Variants in SDK1 observed in about 807,000 individuals in gnomAD.
SDK1 encodes protein sidekick-1.
SDK1 carries 157 observed loss-of-function variants against 245.5 expected under a neutral mutation model. That is an observed-to-expected ratio of 0.64 (90% CI 0.56 to 0.73). SDK1 has a LOEUF of 0.73. Ranked by LOEUF, SDK1 falls within the 30% of genes least tolerant of loss-of-function variation. SDK1 has a pLI of 0.00. For missense variants in SDK1, 3,583 were observed against 3,002.3 expected (o/e 1.19, Z -4.52); for synonymous variants, 1,647 against 1,278.5 (o/e 1.29, Z -6.15).
rs73294256 is a variant in SDK1 at position 3,379,022 on chromosome 7, A to G, written c.298+77138A>G. Among the ~76,000 whole-genome samples the G allele has an allele frequency of 9.1e-3, 1,379 of 152,186 alleles. 28 individuals are homozygous for G. Among genetic ancestry groups the G allele is most frequent in the African/African-American group, 0.031 (1,296 of 41,524 alleles). ...TCGTTAATTACTTGGCCAATTATCT[A>G]TGGCCTGCTTCTCCTGGCCTGTGCT... On this transcript the variant is annotated intron_variant, in intron 1 of 44. Transcript: ENST00000404826.
chr7:3,910,913 G>A (rs1052423728), intron 5 of SDK1, among the ~76,000 whole-genome samples: 7 of 152,188 alleles, frequency 4.6e-5, no homozygotes, highest in African/African-American at 1.4e-4. Flanking sequence ...AGCAGGGTGG[G>A]CCTCTTCCTG....
At chr7:3,477,549 C>G (rs918493999) in intron 1 of SDK1, among the ~76,000 whole-genome samples, 2 of 150,350 alleles carry the variant, frequency 1.3e-5, no homozygotes, top group Non-Finnish European at 3.0e-5. Context: ...GGGTCTCACT[C>G]TGTCCACCAG....
In SDK1 at chr7:4,077,085, A is replaced by G. The variant is rs1780732219; in HGVS notation, c.3098A>G (p.Gln1033Arg). Residue 1033 changes from glutamine (Q) to arginine (R), a missense_variant, in exon 21 of 45, where the codon CAA (glutamine) becomes CGA (arginine). Coordinates refer to ENST00000404826, the MANE Select transcript of SDK1 (RefSeq NM_152744.4). Reference sequence around the variant, plus strand: ...AGCACGACGCACGAGTACAAGATCCAAGGCCTCTCATCTCTCACCACCTAC... The same window carrying G: ...AGCACGACGCACGAGTACAAGATCCGAGGCCTCTCATCTCTCACCACCTAC... ...LNSTTHEYKI[Q>R]GLSSLTTYTI... 6 of 1,614,014 alleles carry G rather than the reference A, an allele frequency of 3.7e-6. No individual in the cohort carries two copies. The highest frequency in any genetic ancestry group is 5.1e-6 in the Non-Finnish European group (6 of 1,179,988).
chr7:3,663,109 T>C (rs1313612079), intron 4 of SDK1, among the ~76,000 whole-genome samples: 1 of 152,216 alleles, frequency 6.6e-6, no homozygotes, highest in Non-Finnish European at 1.5e-5. Context: ...TTATTTTGTT[T>C]CCATATTTGA....
chr7:3,776,684 A>G (rs1234806385), intron 4 of SDK1, among the ~76,000 whole-genome samples: 1 of 152,180 alleles, frequency 6.6e-6, no homozygotes, highest in Non-Finnish European at 1.5e-5. Flanking sequence ...ACCACTAGGA[A>G]AAAGAAAAGA....
intron 22 of SDK1, among the ~76,000 whole-genome samples, chr7:4,103,064 G>T (rs1021193627): frequency 6.7e-6 from 1 of 149,856 alleles, no homozygotes; most frequent in Non-Finnish European, 1.5e-5. Context: ...GTAGTGGTGC[G>T]ATCTCGGCTC....
chr7:4,229,606 G>A (rs142906557), intron 40 of SDK1, among the ~76,000 whole-genome samples: 13 of 152,172 alleles, frequency 8.5e-5, no homozygotes, highest in Admixed American at 4.6e-4. Flanking sequence ...GAGCAGGAAA[G>A]CATTACAGAA....
intron 17 of SDK1, among the ~76,000 whole-genome samples, chr7:4,031,397 A>C (rs191554993): frequency 2.6e-5 from 4 of 152,328 alleles, no homozygotes; most frequent in African/African-American, 9.6e-5. Context: ...TTTACTAGCC[A>C]ATGGTAATGT....
chr7:3,796,866 A>G lies in SDK1; in HGVS notation c.714-24584A>G, dbSNP rs555537106. On this transcript the variant is annotated intron_variant, in intron 4 of 44. Coordinates refer to ENST00000404826, the MANE Select transcript of SDK1 (RefSeq NM_152744.4). ...AGTTATCAATGTTATATAGTCAAGT[A>G]TATTACATAAATTTTACATTTAGAA... 7.5e-4 allele frequency among the ~76,000 whole-genome samples: 114 copies of G among 152,294 alleles called. 1 individual carries two copies. Among genetic ancestry groups the G allele is most frequent in the African/African-American group, 2.5e-3 (102 of 41,540 alleles).
chr7:3,636,407 C>A (rs1782458612), intron 2 of SDK1, among the ~76,000 whole-genome samples: 1 of 152,154 alleles, frequency 6.6e-6, no homozygotes, highest in Non-Finnish European at 1.5e-5. Flanking sequence ...ATTTCACACT[C>A]TGCTTCTATG....
intron 1 of SDK1, among the ~76,000 whole-genome samples, chr7:3,538,704 TAG>T (rs1778967384): frequency 1.3e-5 from 2 of 152,184 alleles, no homozygotes; most frequent in Non-Finnish European, 2.9e-5. Context: ...GTGCCAGGCT[TAG>T]GGCACAGGAG....
chr7:3,642,691 A>T (rs949648813), intron 4 of SDK1: 5 of 152,242 alleles, frequency 3.3e-5, no homozygotes, highest in Admixed American at 1.3e-4. Context: ...CTTATCTCAC[A>T]TTCAAGATAT....
intron 4 of SDK1, among the ~76,000 whole-genome samples, chr7:3,804,193 A>T (rs1249969029): frequency 6.6e-6 from 1 of 152,162 alleles, no homozygotes; most frequent in Non-Finnish European, 1.5e-5. Flanking sequence ...AATTTCTCTG[A>T]TATCTTCTCC....
At chr7:3,994,500 G>C (rs1430607248) in intron 14 of SDK1, among the ~76,000 whole-genome samples, 1 of 152,110 alleles carries the variant, frequency 6.6e-6, no homozygotes, top group Non-Finnish European at 1.5e-5. Flanking sequence ...AAATTAGCCA[G>C]GTGTGGTGGC....
chr7:3,559,249 A>G (rs1447461610), intron 1 of SDK1, among the ~76,000 whole-genome samples: 1 of 152,178 alleles, frequency 6.6e-6, no homozygotes, highest in Non-Finnish European at 1.5e-5. Context: ...ATTTACTATG[A>G]TGAAGTCTGA....
intron 5 of SDK1, among the ~76,000 whole-genome samples, chr7:3,825,905 A>G (rs1213679089): frequency 2.6e-5 from 4 of 152,238 alleles, no homozygotes; most frequent in Non-Finnish European, 4.4e-5. Flanking sequence ...TTGAAATATT[A>G]CTAAAAACCA....
intron 28 of SDK1, among the ~76,000 whole-genome samples, chr7:4,142,064 A>G (rs564628249): frequency 1.2e-4 from 18 of 151,976 alleles, no homozygotes; most frequent in Non-Finnish European, 2.6e-4. Context: ...CGGGATAGGC[A>G]TGTTTTTTCA....
At chr7:3,918,892 G>A (rs908862390) in intron 5 of SDK1, among the ~76,000 whole-genome samples, 4 of 151,948 alleles carry the variant, frequency 2.6e-5, no homozygotes, top group East Asian at 1.9e-4. Context: ...GGACATATTC[G>A]TGCCACTTGC....
At chr7:3,450,377 T>A (rs1454969775) in intron 1 of SDK1, among the ~76,000 whole-genome samples, 1 of 152,120 alleles carries the variant, frequency 6.6e-6, no homozygotes. Context: ...AAGCCCAGGA[T>A]CTTGAAGATG....
Sources: gnomAD v4.1 joint callset for allele counts (sites outside exome capture counted in the v4.1 genomes callset) on GRCh38, gnomAD v4.1.1 for gene constraint, MANE v1.5 for transcripts, NCBI Gene and HGNC (gene_info 2026-07-23, HGNC 2026-07-21) for gene names.